PHLPP2: variants seen among roughly 807,000 people sequenced by gnomAD.
PHLPP2 encodes PH domain and leucine rich repeat protein phosphatase 2.
In PHLPP2, 66 loss-of-function variants were observed where a neutral mutation model predicts 124.9. The ratio of observed to expected loss-of-function variants is 0.53; its 90% CI spans 0.43 to 0.65. The LOEUF is 0.65. Ranked by LOEUF, PHLPP2 falls within the 30% of genes least tolerant of loss-of-function variation. PHLPP2 has a pLI of 0.00. For synonymous variants in PHLPP2, 681 were observed against 624.7 expected (o/e 1.09, Z -1.34); for missense variants, 1,685 against 1,600.4 (o/e 1.05, Z -0.90).
intron 1 of PHLPP2, among the ~76,000 whole-genome samples, chr16:71,719,268 C>T (rs1299655860): frequency 6.6e-6 from 1 of 152,236 alleles, no homozygotes; most frequent in Non-Finnish European, 1.5e-5. Flanking sequence ...GGCGCAGTGG[C>T]TCATGCCTGT....
In PHLPP2 at chr16:71,652,884, C is replaced by T. The variant is rs760220045; in HGVS notation, c.2723G>A (p.Gly908Asp). The T allele has an allele frequency of 1.9e-5, 31 of 1,614,044 alleles. No homozygotes were observed. Among genetic ancestry groups the T allele is most frequent in the Non-Finnish European group, 5.1e-6 (6 of 1,180,038 alleles). ...TTTAGAGAGGGGCACTGGCTTCCCA[C>T]CTCGGCACAGGACTGCTTGGCACGT... The part of the protein sequence containing the change: ...VGTCQAVLCR[G>D]GKPVPLSKVF... The change falls in exon 18 of 19, where the codon GGT becomes GAT. Residue 908 changes from glycine to aspartate, a missense_variant. By Grantham distance (94) the Gly-to-Asp change is moderately conservative. Coordinates refer to ENST00000568954, the MANE Select transcript of PHLPP2 (RefSeq NM_015020.3).
chr16:71,660,679 C>T (rs2044781616), intron 13 of PHLPP2, among the ~76,000 whole-genome samples: 1 of 152,084 alleles, frequency 6.6e-6, no homozygotes, highest in South Asian at 2.1e-4. Flanking sequence ...GCTGGGATTA[C>T]AGGCGTGAGC....
intron 11 of PHLPP2, among the ~76,000 whole-genome samples, chr16:71,668,655 A>AGGGGGAGCT (rs1334831550): frequency 1.3e-4 from 19 of 151,754 alleles, no homozygotes. Flanking sequence ...CCAGCTACTG[A>AGGGGGAGCT]GGGGGAGCTG....
At chr16:71,668,011 C>A (rs1019765911) in intron 11 of PHLPP2, among the ~76,000 whole-genome samples, 4 of 152,192 alleles carry the variant, frequency 2.6e-5, no homozygotes, top group Non-Finnish European at 5.9e-5. Context: ...AAAATCCCAT[C>A]ATCTAGTAAA....
At position 71,690,609 on chromosome 16, in the gene PHLPP2, T is replaced by C. The variant is rs765130212; in HGVS notation, c.519A>G (p.Leu173=). The change falls in exon 4 of 19, where the codon CTA becomes CTG. Residue 173 remains leucine (L), a synonymous_variant. Transcript: ENST00000568954. Reference sequence around the variant, plus strand: ...TAAGGCAGGTACCACAGAGGACAACTAGGCGCTCAGCCCACTTATGCAGCT... The same window carrying C: ...TAAGGCAGGTACCACAGAGGACAACCAGGCGCTCAGCCCACTTATGCAGCT... The part of the protein sequence containing the change: ...KTQLHKWAER[L]VVLCGTCLIV... The C allele has an allele frequency of 1.1e-5, 17 of 1,612,152 alleles. No homozygotes were observed. Among genetic ancestry groups the C allele is most frequent in the Non-Finnish European group, 1.4e-5 (16 of 1,178,182 alleles).
chr16:71,683,494 C>T (rs929359027), intron 5 of PHLPP2, among the ~76,000 whole-genome samples: 3 of 152,194 alleles, frequency 2.0e-5, no homozygotes, highest in African/African-American at 7.2e-5. Flanking sequence ...ATGAATCCAT[C>T]TATCACTGAC....
intron 9 of PHLPP2, among the ~76,000 whole-genome samples, chr16:71,675,046 C>T (rs539445887): frequency 5.9e-5 from 9 of 152,302 alleles, no homozygotes; most frequent in African/African-American, 1.9e-4. Flanking sequence ...ATCTGTTATA[C>T]ATCTCCTTGT....
chr16:71,688,954 T>C (rs976699405), intron 4 of PHLPP2, among the ~76,000 whole-genome samples: 21 of 152,198 alleles, frequency 1.4e-4, no homozygotes, highest in Admixed American at 6.5e-4. Context: ...AAATAAGCCT[T>C]GGTTTCAGTC....
chr16:71,646,536 A>G lies in PHLPP2; in HGVS notation c.*2354T>C, dbSNP rs2044654508. On this transcript the variant is annotated 3_prime_UTR_variant, in exon 19 of 19. Transcript: ENST00000568954. The stretch of plus-strand genomic sequence containing the variant: ...GAATAGCAGACAAGAAGGGTTCACC[A>G]TAATGAATAATTTTTATAAGACTAT... 1 of 152,216 alleles carries G rather than the reference A, an allele frequency of 6.6e-6. No individual in the cohort carries two copies. The highest frequency in any genetic ancestry group is 2.4e-5 in the African/African-American group (1 of 41,452). The allele number at this position is 152,216 out of a possible 1,614,324, so 9.4% of individuals were successfully genotyped here.
chr16:71,669,427 C>A, intron 10 of PHLPP2, 57 bp from the exon 11 acceptor site: 1 of 1,246,708 alleles, frequency 8.0e-7, no homozygotes, highest in South Asian at 1.2e-5. Flanking sequence ...GAACTCATTT[C>A]AGTAGGCTAT....
intron 9 of PHLPP2, among the ~76,000 whole-genome samples, chr16:71,674,015 G>A (rs1227966570): frequency 6.6e-6 from 1 of 151,390 alleles, no homozygotes; most frequent in Non-Finnish European, 1.5e-5. Flanking sequence ...ATAAAATAAT[G>A]AACCCTCTTT....
chr16:71,666,572 G>T (rs540891516), intron 12 of PHLPP2, among the ~76,000 whole-genome samples: 2 of 152,208 alleles, frequency 1.3e-5, no homozygotes, highest in Admixed American at 1.3e-4. Context: ...CACAAAACTA[G>T]TTTTCACTTA....
intron 10 of PHLPP2, among the ~76,000 whole-genome samples, chr16:71,671,672 T>A (rs1409551325): frequency 1.3e-5 from 2 of 151,954 alleles, no homozygotes; most frequent in Non-Finnish European, 2.9e-5. Context: ...CCCAGCACTT[T>A]GGAAGGCCAA....
chr16:71,699,414 A>G (rs944216530), intron 3 of PHLPP2, among the ~76,000 whole-genome samples: 1 of 152,172 alleles, frequency 6.6e-6, no homozygotes, highest in African/African-American at 2.4e-5. Flanking sequence ...GAAGAGAAGC[A>G]GCTGGACATC....
At chr16:71,693,544 C>G (rs1348450930) in intron 3 of PHLPP2, among the ~76,000 whole-genome samples, 1 of 152,168 alleles carries the variant, frequency 6.6e-6, no homozygotes, top group Non-Finnish European at 1.5e-5. Flanking sequence ...CAATTCACAC[C>G]TGAATCACTA....
In PHLPP2 at chr16:71,646,238, T is replaced by C. The variant is rs771258856; in HGVS notation, c.*2652A>G. On this transcript the variant is annotated 3_prime_UTR_variant, in exon 19 of 19. Coordinates refer to ENST00000568954, the MANE Select transcript of PHLPP2 (RefSeq NM_015020.3). ...AAAGAGTTTTGTATTATATTTTTCA[T>C]AATGGGCTATGGCCTTTTTACCCTG... The C allele has an allele frequency of 2.0e-5, 3 of 152,406 alleles. No individual in the cohort carries two copies. Among genetic ancestry groups the C allele is most frequent in the Non-Finnish European group, 4.4e-5 (3 of 68,040 alleles). The allele number at this position is 152,406 out of a possible 1,614,324, so 9.4% of individuals were successfully genotyped here. A position where few individuals can be genotyped will look rare whatever the true frequency, so the allele number is the denominator to read the frequency against.
Position 71,681,764 on chromosome 16 carries a change from C to G in PHLPP2, c.877G>C (p.Asp293His), listed in dbSNP as rs146474070. The part of the protein sequence containing the change: ...FMQLERPGGL[D>H]TLYKFSQLKG... ...TTCTCCACATACTTGTAGAGTGTAT[C>G]GAGGCCTCCGGGTCTTTCTAACTGC... The change falls in exon 6 of 19, where the codon GAT becomes CAT. Residue 293 changes from aspartate (D) to histidine (H), a missense_variant. By Grantham distance (81) the Asp-to-His change is moderately conservative. Coordinates refer to ENST00000568954, the MANE Select transcript of PHLPP2 (RefSeq NM_015020.3). 5.7e-5 allele frequency: 92 copies of G among 1,612,634 alleles called. No homozygotes were observed. Among genetic ancestry groups the G allele is most frequent in the Admixed American group, 8.4e-5 (5 of 59,820 alleles).
chr16:71,669,512 C>A, intron 10 of PHLPP2, 142 bp from the exon 11 acceptor site: 1 of 609,058 alleles, frequency 1.6e-6, no homozygotes, highest in Non-Finnish European at 2.9e-6. Flanking sequence ...GGAACACTGC[C>A]TGGAATATAG....
At chr16:71,668,450 A>C (rs2044859869) in intron 11 of PHLPP2, among the ~76,000 whole-genome samples, 1 of 140,098 alleles carries the variant, frequency 7.1e-6, no homozygotes, top group Non-Finnish European at 1.5e-5. Context: ...AAAAGAGTGA[A>C]GGCTCTGGAG....
Sources: gnomAD v4.1 joint callset for allele counts (sites outside exome capture counted in the v4.1 genomes callset) on GRCh38, gnomAD v4.1.1 for gene constraint, MANE v1.5 for transcripts, NCBI Gene and HGNC (gene_info 2026-07-23, HGNC 2026-07-21) for gene names.